The following CADPS variants were observed in gnomAD, a reference collection of about 807,000 sequenced individuals.
CADPS encodes the protein calcium-dependent secretion activator 1.
In CADPS, 57 loss-of-function variants were observed where a neutral mutation model predicts 167.3. That is an observed-to-expected ratio of 0.34 (90% confidence interval 0.28 to 0.42). The LOEUF (loss-of-function observed/expected upper bound fraction) is 0.42, where lower values mean the gene tolerates loss of function less well. Ranked by LOEUF, CADPS falls within the 20% of genes least tolerant of loss-of-function variation. The probability of loss-of-function intolerance (pLI) is 1.00; values close to 1 mark genes in which losing one functional copy is unlikely to be tolerated. For synonymous variants in CADPS, 676 were observed against 635.3 expected (o/e 1.06, Z -0.96); for missense variants, 1,414 against 1,738.1 (o/e 0.81, Z 3.32).
intron 3 of CADPS, among the ~76,000 whole-genome samples, chr3:62,728,041 T>C (rs1193436764): frequency 6.6e-6 from 1 of 151,856 alleles, no homozygotes; most frequent in Non-Finnish European, 1.5e-5. Context: ...ACAAGGCCAA[T>C]AGAGCATATG....
intron 18 of CADPS, among the ~76,000 whole-genome samples, chr3:62,494,304 C>A (rs2064257271): frequency 6.6e-6 from 1 of 152,164 alleles, no homozygotes; most frequent in South Asian, 2.1e-4. Context: ...CATGCCACCC[C>A]CAGAACTTTC....
At chr3:62,607,830 T>C (rs990353392) in intron 6 of CADPS, among the ~76,000 whole-genome samples, 5 of 152,170 alleles carry the variant, frequency 3.3e-5, no homozygotes, top group Non-Finnish European at 7.3e-5. Context: ...TTGGTCTTTA[T>C]TTTCTCTTTT....
At chr3:62,576,813 A>AAAAAG (rs2082372708) in intron 8 of CADPS, among the ~76,000 whole-genome samples, 9 of 149,404 alleles carry the variant, frequency 6.0e-5, no homozygotes, top group African/African-American at 2.2e-4. Flanking sequence ...AAAAAAAAAA[A>AAAAAG]AAAAGCAGTC....
chr3:62,481,147 T>C (rs1560994397), intron 22 of CADPS, among the ~76,000 whole-genome samples: 2 of 152,212 alleles, frequency 1.3e-5, no homozygotes, highest in Non-Finnish European at 2.9e-5. Flanking sequence ...GGAAAGTACA[T>C]AATATATTTT....
chr3:62,821,476 C>CT (rs1342797599), intron 1 of CADPS, among the ~76,000 whole-genome samples: 1 of 152,176 alleles, frequency 6.6e-6, no homozygotes, highest in Non-Finnish European at 1.5e-5. Context: ...CCTCTTTCAG[C>CT]TTTTGGTAGC....
Position 62,549,988 on chromosome 3 carries a change from G to C in CADPS, c.1881C>G (p.His627Gln), listed in dbSNP as rs576417700. 6.2e-7 allele frequency: 1 copy of C among 1,614,080 alleles called. No individual in the cohort carries two copies. Among genetic ancestry groups the C allele is most frequent in the South Asian group, 1.1e-5 (1 of 91,084 alleles). The part of the protein sequence containing the change: ...QAMYRATGQS[H>Q]KPVPPTQVQK... ...GGACTTGGGTCGGGGGCACAGGCTTGTGTGACTGCCCCGTGGCCCGATACA... is the reference window on the plus strand; with the variant it reads ...GGACTTGGGTCGGGGGCACAGGCTTCTGTGACTGCCCCGTGGCCCGATACA... The change falls in exon 11 of 30, where the codon CAC (histidine) becomes CAG (glutamine). Residue 627 changes from histidine (H) to glutamine (Q), a missense_variant. By Grantham distance (24) the His-to-Gln change is conservative. Transcript: ENST00000383710.
At chr3:62,644,209 C>G (rs1035917296) in intron 6 of CADPS, among the ~76,000 whole-genome samples, 2 of 152,174 alleles carry the variant, frequency 1.3e-5, no homozygotes, top group African/African-American at 2.4e-5. Flanking sequence ...TCATAATGCT[C>G]TGGGGGAGGA....
intron 1 of CADPS, among the ~76,000 whole-genome samples, chr3:62,784,040 C>G (rs1327893412): frequency 1.3e-5 from 2 of 152,184 alleles, no homozygotes; most frequent in African/African-American, 2.4e-5. Flanking sequence ...GGAGCAATGG[C>G]TGATTTCCTG....
intron 3 of CADPS, among the ~76,000 whole-genome samples, chr3:62,742,310 A>G (rs1325987990): frequency 6.6e-6 from 1 of 152,202 alleles, no homozygotes; most frequent in East Asian, 1.9e-4. Context: ...AAGAGCCTGG[A>G]TAGCCAAGGA....
intron 28 of CADPS, among the ~76,000 whole-genome samples, chr3:62,425,234 T>C (rs1169771797): frequency 6.6e-6 from 1 of 152,230 alleles, no homozygotes; most frequent in Non-Finnish European, 1.5e-5. Flanking sequence ...ACCTCAGCAC[T>C]ATTGACATTT....
chr3:62,736,412 T>G (rs906684902), intron 3 of CADPS, among the ~76,000 whole-genome samples: 4 of 152,236 alleles, frequency 2.6e-5, no homozygotes, highest in African/African-American at 9.6e-5. Flanking sequence ...ATATGATTTA[T>G]AGGTGAGACA....
At chr3:62,413,598 G>C (rs913616214) in intron 28 of CADPS, among the ~76,000 whole-genome samples, 15 of 152,124 alleles carry the variant, frequency 9.9e-5, no homozygotes, top group African/African-American at 3.6e-4. Flanking sequence ...GTGTTACCAG[G>C]GGCTAAGGGG....
intron 21 of CADPS, among the ~76,000 whole-genome samples, chr3:62,484,572 G>A (rs74839556): frequency 0.027 from 4,170 of 152,068 alleles, 70 homozygotes; most frequent in African/African-American, 0.043. Flanking sequence ...TTCATTTTGG[G>A]GACTCTTGAA....
At chr3:62,809,890 C>T (rs2094312793) in intron 1 of CADPS, among the ~76,000 whole-genome samples, 1 of 152,174 alleles carries the variant, frequency 6.6e-6, no homozygotes, top group Non-Finnish European at 1.5e-5. Flanking sequence ...TCATTCTGAA[C>T]ACATACAATT....
chr3:62,869,086 T>C (rs914918085), intron 1 of CADPS, among the ~76,000 whole-genome samples: 5 of 152,226 alleles, frequency 3.3e-5, no homozygotes, highest in Non-Finnish European at 5.9e-5. Flanking sequence ...TGGTTGAGCA[T>C]CCCTAATCCA....
chr3:62,737,313 A>G lies in CADPS; in HGVS notation c.888+16128T>C, dbSNP rs150747987. On this transcript the variant is annotated intron_variant, in intron 3 of 29. Transcript: ENST00000383710. The stretch of plus-strand genomic sequence containing the variant: ...AAATTAAAAACAAAAACAAAAACAA[A>G]AACATAGTAGCCAGGTGTGGTGGCA... 4.6e-3 allele frequency among the ~76,000 whole-genome samples: 697 copies of G among 151,566 alleles called. 5 individuals carry two copies. Among genetic ancestry groups the G allele is most frequent in the African/African-American group, 0.015 (638 of 41,302 alleles).
intron 26 of CADPS, among the ~76,000 whole-genome samples, chr3:62,463,019 C>T (rs1393216477): frequency 6.6e-6 from 1 of 152,116 alleles, no homozygotes; most frequent in Non-Finnish European, 1.5e-5. Context: ...AGGGAAGTTA[C>T]GGGCCCAGCA....
intron 1 of CADPS, among the ~76,000 whole-genome samples, chr3:62,801,548 G>A (rs1451136453): frequency 6.6e-6 from 1 of 152,064 alleles, no homozygotes; most frequent in African/African-American, 2.4e-5. Context: ...TTGTGCTGTG[G>A]CTATCAGGAA....
At position 62,626,465 on chromosome 3, in the gene CADPS, C is replaced by T. The variant is rs1036785896; in HGVS notation, c.1325+19257G>A. ...AGTAAACAGAGATTGGGTACTGTGACTCTTCAAGCACAAATCTTGTACCCC... is the reference window on the plus strand; with the variant it reads ...AGTAAACAGAGATTGGGTACTGTGATTCTTCAAGCACAAATCTTGTACCCC... On this transcript the variant is annotated intron_variant, in intron 6 of 29. Coordinates refer to ENST00000383710, the MANE Select transcript of CADPS (RefSeq NM_003716.4). 3 of 701,206 alleles carry T rather than the reference C, an allele frequency of 4.3e-6. No homozygotes were observed. The African/African-American group carries it at 5.2e-5, about 12-fold the overall frequency. 43.4% of individuals were successfully genotyped at this position (701,206 alleles called of 1,614,324 possible).
Sources: gnomAD v4.1 joint callset for allele counts (sites outside exome capture counted in the v4.1 genomes callset) on GRCh38, gnomAD v4.1.1 for gene constraint, MANE v1.5 for transcripts, NCBI Gene and HGNC (gene_info 2026-07-23, HGNC 2026-07-21) for gene names.